The following EPHB1 variants were observed in gnomAD, a reference collection of about 807,000 sequenced individuals.
EPHB1 encodes EPH receptor B1, also known as ephrin type-B receptor 1.
In EPHB1, 30 loss-of-function variants were observed where a neutral mutation model predicts 94.4. The observed-to-expected ratio is 0.32, with a 90% CI of 0.24 to 0.43. EPHB1 has a LOEUF of 0.43. Among genes scored for constraint, EPHB1 ranks in the 20% least tolerant of loss-of-function variants. The pLI, the probability that EPHB1 is intolerant of heterozygous loss-of-function variation, is 1.00. For missense variants in EPHB1, 1,055 were observed against 1,308.3 expected (o/e 0.81, Z 2.99); for synonymous variants, 522 against 489.1 (o/e 1.07, Z -0.89).
intron 1 of EPHB1, among the ~76,000 whole-genome samples, chr3:134,869,293 A>G (rs939726640): frequency 6.6e-6 from 1 of 152,236 alleles, no homozygotes; most frequent in Non-Finnish European, 1.5e-5. Context: ...AGGATTAAAC[A>G]GTGCCGTGGA....
At chr3:135,183,225 TCCC>T (rs1942229582) in intron 10 of EPHB1, among the ~76,000 whole-genome samples, 1 of 111,156 alleles carries the variant, frequency 9.0e-6, no homozygotes. Flanking sequence ...CCTCCCTCCC[TCCC>T]TTCCTCCCTC....
chr3:135,245,743 T>G (rs1283006205), intron 13 of EPHB1, among the ~76,000 whole-genome samples: 2 of 142,422 alleles, frequency 1.4e-5, no homozygotes, highest in Non-Finnish European at 3.0e-5. Context: ...GAGGTGGAGG[T>G]TGCAGTGATC....
At chr3:135,153,707 G>A (rs1310297020) in intron 5 of EPHB1, among the ~76,000 whole-genome samples, 2 of 152,132 alleles carry the variant, frequency 1.3e-5, no homozygotes, top group Non-Finnish European at 2.9e-5. Context: ...ATACCAACTG[G>A]TTCTACTCTC....
intron 10 of EPHB1, among the ~76,000 whole-genome samples, chr3:135,185,566 C>T (rs1016199350): frequency 6.6e-6 from 1 of 152,192 alleles, no homozygotes; most frequent in Admixed American, 6.5e-5. Flanking sequence ...TGTATATTTT[C>T]TTGTAACTGG....
intron 3 of EPHB1, among the ~76,000 whole-genome samples, chr3:134,983,257 C>T (rs532458635): frequency 4.6e-5 from 7 of 152,344 alleles, no homozygotes; most frequent in African/African-American, 1.7e-4. Flanking sequence ...TGTGCATGAT[C>T]ATGCATATGC....
chr3:134,942,068 TA>T (rs1308838463), intron 2 of EPHB1, among the ~76,000 whole-genome samples: 5 of 152,248 alleles, frequency 3.3e-5, no homozygotes, highest in African/African-American at 9.6e-5. Flanking sequence ...AGGCAGTTAA[TA>T]ATCTGTTGGT....
At chr3:135,193,143 C>G (rs1942505319) in intron 11 of EPHB1, among the ~76,000 whole-genome samples, 1 of 152,202 alleles carries the variant, frequency 6.6e-6, no homozygotes, top group South Asian at 2.1e-4. Context: ...CTGCACAGCC[C>G]TGTGTGATTC....
intron 1 of EPHB1, among the ~76,000 whole-genome samples, chr3:134,828,497 A>G (rs1433090043): frequency 6.6e-6 from 1 of 152,186 alleles, no homozygotes; most frequent in East Asian, 1.9e-4. Flanking sequence ...AATTCCTAGC[A>G]TCTGCCTCAA....
At chr3:135,159,725 C>T (rs1268106442) in intron 6 of EPHB1, among the ~76,000 whole-genome samples, 4 of 152,192 alleles carry the variant, frequency 2.6e-5, no homozygotes, top group Non-Finnish European at 5.9e-5. Context: ...GCCCAGTAGA[C>T]ATCCCCTTCA....
chr3:134,994,247 C>T (rs774860536), intron 3 of EPHB1, among the ~76,000 whole-genome samples: 4 of 151,970 alleles, frequency 2.6e-5, no homozygotes, highest in Admixed American at 6.6e-5. Context: ...AACAAATAAG[C>T]GAATGAATGA....
At chr3:134,942,512 T>C (rs1332972298) in intron 2 of EPHB1, among the ~76,000 whole-genome samples, 2 of 152,192 alleles carry the variant, frequency 1.3e-5, no homozygotes, top group Admixed American at 6.5e-5. Context: ...CATCTGGTAC[T>C]GGGTGGTTGA....
At chr3:134,887,618 C>T (rs898903233) in intron 1 of EPHB1, among the ~76,000 whole-genome samples, 1 of 152,180 alleles carries the variant, frequency 6.6e-6, no homozygotes, top group Non-Finnish European at 1.5e-5. Flanking sequence ...GATACCAAAA[C>T]ACCTCATTAT....
At chr3:135,185,060 C>T (rs1012656310) in intron 10 of EPHB1, among the ~76,000 whole-genome samples, 1 of 152,206 alleles carries the variant, frequency 6.6e-6, no homozygotes, top group Non-Finnish European at 1.5e-5. Context: ...AAGTTGTTGG[C>T]AGAAGAAGAC....
At position 134,951,687 on chromosome 3, in the gene EPHB1, C is replaced by T. The variant is rs1933035285; in HGVS notation, c.440C>T (p.Ser147Phe). The T allele has an allele frequency of 6.2e-7, 1 of 1,613,930 alleles. No individual in the cohort carries two copies. The highest frequency in any genetic ancestry group is 1.3e-5 in the African/African-American group (1 of 74,890). Residue 147 changes from serine (S) to phenylalanine (F), a missense_variant, in exon 3 of 16, where the codon TCC becomes TTC. Physicochemically the swap from Ser to Phe is radical, Grantham distance 155 (BLOSUM62 -2). Coordinates refer to ENST00000398015, the MANE Select transcript of EPHB1 (RefSeq NM_004441.5). This position sits in a 1 kb window ranked among gnomAD's most constrained non-coding sequence, Gnocchi z 4.5. Reference sequence around the variant, plus strand: ...ACCATTGCTGCAGATGAGAGCTTCTCCCAGGTGGACTTTGGGGGAAGGCTG... The same window carrying T: ...ACCATTGCTGCAGATGAGAGCTTCTTCCAGGTGGACTTTGGGGGAAGGCTG... The part of the protein sequence containing the change: ...VDTIAADESF[S>F]QVDFGGRLMK...
In EPHB1 at chr3:135,248,444, C is replaced by G. The variant is rs2107731308; in HGVS notation, c.2625C>G (p.Val875=). 1 of 1,613,790 alleles carries G rather than the reference C, an allele frequency of 6.2e-7. No homozygotes were observed. The highest frequency in any genetic ancestry group is 1.6e-4 in the Middle Eastern group (1 of 6,062). The change falls in exon 14 of 16, where the codon GTC becomes GTG. Residue 875 remains valine, a synonymous_variant. Coordinates refer to ENST00000398015, the MANE Select transcript of EPHB1 (RefSeq NM_004441.5). ...GCCGGCCCCGGTTTGCGGAGATTGT[C>G]AACACCCTAGATAAGATGATCCGGA... The part of the protein sequence containing the change: ...RNSRPRFAEI[V]NTLDKMIRNP...
intron 5 of EPHB1, among the ~76,000 whole-genome samples, chr3:135,140,927 T>A (rs1940801152): frequency 6.6e-6 from 1 of 152,222 alleles, no homozygotes; most frequent in Non-Finnish European, 1.5e-5. Context: ...ATTAACATCT[T>A]CTCTGAGCGG....
At chr3:135,079,383 G>A (rs111663405) in intron 3 of EPHB1, among the ~76,000 whole-genome samples, 79 of 152,302 alleles carry the variant, frequency 5.2e-4, no homozygotes, top group Admixed American at 4.6e-4. Flanking sequence ...ATCCAATTGA[G>A]GCCCATACCC....
chr3:135,012,972 G>A (rs144752609), intron 3 of EPHB1, among the ~76,000 whole-genome samples: 4 of 152,296 alleles, frequency 2.6e-5, no homozygotes, highest in African/African-American at 7.2e-5. Context: ...TTTGCTGGAA[G>A]TATTTAAAGG....
intron 15 of EPHB1, among the ~76,000 whole-genome samples, chr3:135,252,600 T>C (rs1933173537): frequency 6.7e-6 from 1 of 148,480 alleles, no homozygotes; most frequent in Non-Finnish European, 1.5e-5. Context: ...CACATTTTCT[T>C]AATCCAGTCT....
Sources: allele counts gnomAD v4.1 joint callset (sites outside exome capture counted in the v4.1 genomes callset), GRCh38; gene constraint gnomAD v4.1.1; non-coding constraint Gnocchi (gnomAD v3.1); transcripts MANE v1.5; gene names NCBI Gene and HGNC (gene_info 2026-07-23, HGNC 2026-07-21).